CCDC15: variants seen among roughly 807,000 people sequenced by gnomAD.
CCDC15 encodes coiled-coil domain containing 15.
CCDC15 carries 105 observed loss-of-function variants against 114.5 expected under a neutral mutation model. The ratio of observed to expected loss-of-function variants is 0.92; its 90% confidence interval spans 0.78 to 1.08. CCDC15 has a LOEUF of 1.08. Ranked by LOEUF, CCDC15 falls within the 50% of genes least tolerant of loss-of-function variation. CCDC15 has a pLI of 0.00. For synonymous variants in CCDC15, 334 were observed against 377.8 expected (o/e 0.88, Z 1.34); for missense variants, 1,105 against 1,093.6 (o/e 1.01, Z -0.15).
At chr11:124,964,064 G>A (rs1412896585) in intron 4 of CCDC15, among the ~76,000 whole-genome samples, 1 of 152,182 alleles carries the variant, frequency 6.6e-6, no homozygotes, top group Non-Finnish European at 1.5e-5. Context: ...ATAGTTTGAA[G>A]TCAGGTAGCG....
At chr11:124,998,373 G>T (rs1468640722) in intron 11 of CCDC15, among the ~76,000 whole-genome samples, 1 of 152,134 alleles carries the variant, frequency 6.6e-6, no homozygotes, top group Non-Finnish European at 1.5e-5. Context: ...TCAGTCTTCA[G>T]GCAGGAAGGT....
At chr11:125,000,287 A>C (rs972489963) in intron 11 of CCDC15, among the ~76,000 whole-genome samples, 5 of 152,136 alleles carry the variant, frequency 3.3e-5, no homozygotes, top group African/African-American at 1.2e-4. Flanking sequence ...ACTGTAAGTG[A>C]TCTCTCCTAT....
At chr11:124,975,276 T>C (rs754634463) in intron 5 of CCDC15, 67 bp downstream of exon 5, 16 of 929,534 alleles carry the variant, frequency 1.7e-5, no homozygotes, top group Non-Finnish European at 2.5e-5. Flanking sequence ...GATTTACTTA[T>C]ATCTCAGCAT....
At position 124,991,521 on chromosome 11, in the gene CCDC15, T is replaced by C. The variant is rs1209706720; in HGVS notation, c.1969T>C (p.Ser657Pro). The change falls in exon 9 of 16, where the codon TCT (serine) becomes CCT (proline). Residue 657 changes from serine to proline, a missense_variant. Physicochemically the swap from Ser to Pro is moderately conservative, Grantham distance 74. Coordinates refer to ENST00000344762, the MANE Select transcript of CCDC15 (RefSeq NM_025004.3). ...AGATGAGAAAGGGAGAGAAGACTTT[T>C]CTCTGGCAGACTATCAGTGTTTGCC... ...MTDEKGREDFSLADYQCLPPK... is the reference protein window; with the variant it reads ...MTDEKGREDFPLADYQCLPPK... The C allele has an allele frequency of 2.5e-6, 4 of 1,609,924 alleles. No individual in the cohort carries two copies. The highest frequency in any genetic ancestry group is 1.3e-5 in the African/African-American group (1 of 74,858).
chr11:124,971,313 A>G (rs1302178678), intron 4 of CCDC15, among the ~76,000 whole-genome samples: 1 of 152,232 alleles, frequency 6.6e-6, no homozygotes, highest in Non-Finnish European at 1.5e-5. Context: ...AGATAAAACC[A>G]CAAAGATGTG....
At chr11:124,973,620 A>T (rs1186876329) in intron 4 of CCDC15, among the ~76,000 whole-genome samples, 2 of 151,828 alleles carry the variant, frequency 1.3e-5, no homozygotes, top group South Asian at 2.1e-4. Context: ...ATAAAGCCAT[A>T]AAATTTATTT....
Position 125,005,111 on chromosome 11 carries a change from T to A in CCDC15, c.2310T>A (p.Arg770=). Residue 770 remains arginine, a splice_region_variant and synonymous_variant, in exon 13 of 16, where the codon CGT becomes CGA. Coordinates refer to ENST00000344762, the MANE Select transcript of CCDC15 (RefSeq NM_025004.3). The part of the protein sequence containing the change: ...DVDKEEDKKE[R]QKQYLRHRRL... ...TAATTTTAACTTCTTACCTTTAGCG[T>A]CAAAAGCAGTACCTGAGACATAGAC... 6.9e-7 allele frequency: 1 copy of A among 1,455,102 alleles called. No individual in the cohort carries two copies. The highest frequency in any genetic ancestry group is 9.3e-7 in the Non-Finnish European group (1 of 1,071,000). 90.1% of individuals were successfully genotyped at this position (1,455,102 alleles called of 1,614,324 possible). A position where few individuals can be genotyped will look rare whatever the true frequency, so the allele number is the denominator to read the frequency against.
chr11:124,986,669 G>A lies in CCDC15; in HGVS notation c.754-73G>A, dbSNP rs1408150577. 9.8e-6 allele frequency: 3 copies of A among 306,088 alleles called. No homozygotes were observed. The South Asian group carries it at 1.6e-4, about 17-fold the overall frequency. The allele number at this position is 306,088 out of a possible 1,614,324, so 19.0% of individuals were successfully genotyped here. On this transcript the variant is annotated intron_variant, in intron 6 of 15. Coordinates refer to ENST00000344762, the MANE Select transcript of CCDC15 (RefSeq NM_025004.3). The stretch of plus-strand genomic sequence containing the variant: ...CTTCCTATAATAGCTACATGGTGCT[G>A]TGTGTGTGTGTGTGTGTGTGTTTGT...
rs765468304 is a variant in CCDC15, at chr11:124,959,149, A to C, written c.212A>C (p.Glu71Ala). ...TATTTAATTGAAGAAGAACTAAAGG[A>C]ACAGCTAAGAAAAAAACAAGAAGCT... ...SAYLIEEELK[E>A]QLRKKQEALK... Residue 71 changes from glutamate to alanine, a missense_variant, in exon 3 of 16, where the codon GAA becomes GCA. Coordinates refer to ENST00000344762, the MANE Select transcript of CCDC15 (RefSeq NM_025004.3). The C allele has an allele frequency of 2.8e-5, 44 of 1,584,642 alleles. No individual in the cohort carries two copies. Among genetic ancestry groups the C allele is most frequent in the Non-Finnish European group, 3.5e-5 (41 of 1,167,080 alleles).
Position 124,987,508 on chromosome 11 carries a change from C to T in CCDC15, c.1282C>T (p.Leu428Phe). The change falls in exon 8 of 16, where the codon CTC becomes TTC. Residue 428 changes from leucine to phenylalanine, a missense_variant. Leu to Phe is a conservative substitution (Grantham distance 22). Transcript: ENST00000344762. ...TCTAACGAAAAACCAGGATGTTTTACTCAAAGACCACTGTGTTCTCCCTAA... is the reference window on the plus strand; with the variant it reads ...TCTAACGAAAAACCAGGATGTTTTATTCAAAGACCACTGTGTTCTCCCTAA... ...ALLTKNQDVL[L>F]KDHCVLPKDQ... The T allele has an allele frequency of 6.2e-7, 1 of 1,614,038 alleles. No homozygotes were observed. The highest frequency in any genetic ancestry group is 8.5e-7 in the Non-Finnish European group (1 of 1,179,898).
intron 14 of CCDC15, 122 bp from the exon 15 acceptor site, chr11:125,038,799 G>A: frequency 7.7e-7 from 1 of 1,294,948 alleles, no homozygotes. Context: ...AGTACAAAGA[G>A]GAAATGTCAA....
chr11:124,997,805 G>A (rs1948400884), intron 11 of CCDC15, among the ~76,000 whole-genome samples: 1 of 152,146 alleles, frequency 6.6e-6, no homozygotes, highest in Non-Finnish European at 1.5e-5. Context: ...AGACAGGCAT[G>A]GTGGCATGCA....
At chr11:125,021,341 T>A (rs1948659354) in intron 13 of CCDC15, among the ~76,000 whole-genome samples, 1 of 151,862 alleles carries the variant, frequency 6.6e-6, no homozygotes, top group South Asian at 2.1e-4. Flanking sequence ...GTTCCATCAG[T>A]GTTTCTCAAC....
At chr11:125,000,343 A>G (rs931183115) in intron 11 of CCDC15, among the ~76,000 whole-genome samples, 2 of 151,970 alleles carry the variant, frequency 1.3e-5, no homozygotes, top group Non-Finnish European at 2.9e-5. Flanking sequence ...CTTTCATTAT[A>G]CTCCTATAGG....
chr11:125,034,910 G>T (rs1948765866), intron 13 of CCDC15, among the ~76,000 whole-genome samples: 1 of 151,888 alleles, frequency 6.6e-6, no homozygotes, highest in Non-Finnish European at 1.5e-5. Context: ...TATATGCATA[G>T]TTATATATAT....
Position 124,987,907 on chromosome 11 carries a change from G to A in CCDC15, c.1681G>A (p.Asp561Asn), listed in dbSNP as rs754851588. ...TATTCTACCCAAATGTCAGGACCAGGATTTTCTACCCAGAGACCAAGGTGT... is the reference window on the plus strand; with the variant it reads ...TATTCTACCCAAATGTCAGGACCAGAATTTTCTACCCAGAGACCAAGGTGT... ...WNILPKCQDQ[D>N]FLPRDQGVLP... The change falls in exon 8 of 16, where the codon GAT becomes AAT. Residue 561 changes from aspartate (D) to asparagine (N), a missense_variant. By Grantham distance (23) the Asp-to-Asn change is conservative. Coordinates refer to ENST00000344762, the MANE Select transcript of CCDC15 (RefSeq NM_025004.3). 3 of 1,613,986 alleles carry A rather than the reference G, an allele frequency of 1.9e-6. No individual in the cohort carries two copies. Among genetic ancestry groups the A allele is most frequent in the Non-Finnish European group, 2.5e-6 (3 of 1,179,890 alleles).
chr11:124,960,939 A>C (rs942326268), intron 4 of CCDC15, among the ~76,000 whole-genome samples: 2 of 152,372 alleles, frequency 1.3e-5, no homozygotes, highest in East Asian at 3.9e-4. Context: ...ACTGCTTAAC[A>C]TACTTGGTCA....
chr11:124,996,270 C>A (rs112561694), intron 11 of CCDC15, among the ~76,000 whole-genome samples: 21 of 152,288 alleles, frequency 1.4e-4, no homozygotes, highest in African/African-American at 4.6e-4. Flanking sequence ...ATCTTAAACT[C>A]TCCTTAAACT....
intron 4 of CCDC15, among the ~76,000 whole-genome samples, chr11:124,962,262 C>T (rs759953701): frequency 6.6e-6 from 1 of 152,200 alleles, no homozygotes; most frequent in Non-Finnish European, 1.5e-5. Flanking sequence ...AAATGGTACA[C>T]ATAATTCACT....
Sources: gnomAD v4.1 joint callset for allele counts (sites outside exome capture counted in the v4.1 genomes callset) on GRCh38, gnomAD v4.1.1 for gene constraint, MANE v1.5 for transcripts, NCBI Gene and HGNC (gene_info 2026-07-23, HGNC 2026-07-21) for gene names.